FGF13: variants seen among roughly 807,000 people sequenced by gnomAD.
FGF13 encodes fibroblast growth factor homologous factor 2.
A neutral mutation model predicts 19.5 loss-of-function variants in FGF13; 2 were observed. The observed-to-expected ratio is 0.10, with a 90% CI of 0.04 to 0.32. The LOEUF (loss-of-function observed/expected upper bound fraction) is 0.32. FGF13 is among the 10% of genes least tolerant of loss of function. The pLI is 1.00. For synonymous variants in FGF13, 72 were observed against 76.9 expected, an observed-to-expected ratio of 0.94 and a Z score of 0.33; for missense variants, 113 against 192.7, an observed-to-expected ratio of 0.59 and a Z score of 2.45.
intron 1 of FGF13, among the ~76,000 whole-genome samples, chrX:138,945,698 AG>A (rs201932896): frequency 0.019 from 2,151 of 111,538 alleles, 68 homozygotes; most frequent in African/African-American, 0.066. Context: ...TCAGTGGATT[AG>A]AGACATAGGA....
chrX:138,799,591 C>G (rs2090811478), intron 3 of FGF13, among the ~76,000 whole-genome samples: 1 of 111,304 alleles, frequency 9.0e-6, no homozygotes, highest in Admixed American at 9.6e-5. Flanking sequence ...TGGTCCAGAG[C>G]TGAGTTCAAG....
intron 1 of FGF13, among the ~76,000 whole-genome samples, chrX:138,900,313 C>T (rs941675631): frequency 9.0e-6 from 1 of 110,581 alleles, no homozygotes; most frequent in African/African-American, 3.3e-5. Context: ...CCATTCTCAT[C>T]CCTCCATCCC....
intron 1 of FGF13, among the ~76,000 whole-genome samples, chrX:139,191,910 C>G (rs925315142): frequency 9.0e-6 from 1 of 111,507 alleles, no homozygotes; most frequent in African/African-American, 3.3e-5. Flanking sequence ...CTCTGCTATT[C>G]TAACAGCTGT....
rs199755534 is a variant in FGF13, at chrX:138,954,095, C to CGAGAGAGAGAGA, written c.-112-89457_-112-89446dup. On this transcript the variant is annotated intron_variant, in intron 1 of 2. Transcript: ENST00000421460. ...TGCATTTCATAGTATGTAAATTTAA[C>CGAGAGAGAGAGA]GAGAGAGAGAGAGAGAGAGAGAGAG... Among the ~76,000 whole-genome samples the CGAGAGAGAGAGA allele has an allele frequency of 5.0e-3, 475 of 94,170 alleles. 3 individuals carry two copies. The highest frequency in any genetic ancestry group is 5.7e-3 in the Non-Finnish European group (270 of 47,435). 81.8% of individuals were successfully genotyped at this position (94,170 alleles called of 115,157 possible). A position where few individuals can be genotyped will look rare whatever the true frequency, so the allele number is the denominator to read the frequency against.
rs957915292 is a variant in FGF13 at position 138,619,004 on chromosome X, C to T, written c.*13846G>A. 1.8e-5 allele frequency: 2 copies of T among 109,925 alleles called. No homozygotes were observed. The highest frequency in any genetic ancestry group is 2.9e-4 in the East Asian group (1 of 3,493). 9.1% of individuals were successfully genotyped at this position (109,925 alleles called of 1,213,427 possible). On this transcript the variant is annotated 3_prime_UTR_variant, in exon 5 of 5. Transcript: ENST00000315930. ...TTCTTCAAATGTGAACATGGCAACA[C>T]GAGATTTCAAGGAACACCTGCCAAA...
At chrX:138,898,202 G>T (rs1477005406) in intron 1 of FGF13, among the ~76,000 whole-genome samples, 1 of 111,632 alleles carries the variant, frequency 9.0e-6, no homozygotes, top group African/African-American at 3.3e-5. Context: ...GAGAAAGGGA[G>T]GGGGTATGAA....
intron 1 of FGF13, among the ~76,000 whole-genome samples, chrX:138,950,673 A>G (rs2091806478): frequency 1.8e-5 from 2 of 112,224 alleles, no homozygotes; most frequent in African/African-American, 6.5e-5. Context: ...TCAGTTTTCA[A>G]TGATAAAATT....
chrX:138,639,995 T>C (rs1195793925), intron 3 of FGF13, among the ~76,000 whole-genome samples: 1 of 101,271 alleles, frequency 9.9e-6, no homozygotes, highest in East Asian at 3.1e-4. Flanking sequence ...TCCATCTCAA[T>C]AAAAAAAAAA....
intron 3 of FGF13, among the ~76,000 whole-genome samples, chrX:138,777,055 C>A (rs1282232058): frequency 2.7e-5 from 3 of 111,859 alleles, no homozygotes; most frequent in Non-Finnish European, 5.6e-5. Flanking sequence ...CCCTATCCAA[C>A]AGAACAAGGT....
intron 1 of FGF13, among the ~76,000 whole-genome samples, chrX:139,062,646 A>G (rs2092340081): frequency 9.0e-6 from 1 of 111,708 alleles, no homozygotes; most frequent in Non-Finnish European, 1.9e-5. Flanking sequence ...GGTAGCATGG[A>G]CCTTTTAATA....
chrX:138,722,452 G>A (rs915170569), intron 1 of FGF13, among the ~76,000 whole-genome samples: 7 of 111,279 alleles, frequency 6.3e-5, no homozygotes, highest in African/African-American at 2.3e-4. Context: ...TGAAACCACA[G>A]AGAAAATTGG....
intron 1 of FGF13, among the ~76,000 whole-genome samples, chrX:139,150,202 C>T (rs1169143307): frequency 9.9e-5 from 11 of 111,296 alleles, no homozygotes; most frequent in African/African-American, 3.6e-4. Flanking sequence ...CTCAGAAACT[C>T]CAGCCCAAGA....
intron 3 of FGF13, among the ~76,000 whole-genome samples, chrX:138,752,961 CATGAA>C (rs1282417573): frequency 1.8e-5 from 2 of 112,216 alleles, no homozygotes; most frequent in African/African-American, 3.2e-5. Context: ...ATAGTTGAAA[CATGAA>C]ATGAATCTTA....
intron 1 of FGF13, among the ~76,000 whole-genome samples, chrX:138,866,973 A>G (rs1392159455): frequency 8.9e-6 from 1 of 111,748 alleles, no homozygotes; most frequent in Non-Finnish European, 1.9e-5. Flanking sequence ...AACATCACCT[A>G]CAACATGACC....
chrX:138,667,651 C>T (rs1159764178), intron 3 of FGF13: 3 of 342,372 alleles, frequency 8.8e-6, no homozygotes, highest in Non-Finnish European at 1.8e-5. Context: ...GGTAAGATTC[C>T]AGGTGAAATG....
At chrX:138,649,871 T>C (rs746849676) in intron 3 of FGF13, among the ~76,000 whole-genome samples, 67 of 112,430 alleles carry the variant, frequency 6.0e-4, no homozygotes, top group Admixed American at 1.0e-3. Flanking sequence ...GTTTGTTGTT[T>C]AGCAGAATGT....
At chrX:138,790,043 CAAAAAAAAAAA>C (rs764151731) in intron 3 of FGF13, among the ~76,000 whole-genome samples, 3 of 29,165 alleles carry the variant, frequency 1.0e-4, no homozygotes, top group African/African-American at 1.1e-4. Context: ...AGACTCCATT[CAAAAAAAAAAA>C]AAAAAAAAAA....
intron 1 of FGF13, among the ~76,000 whole-genome samples, chrX:139,095,982 A>G (rs1721126078): frequency 8.9e-6 from 1 of 111,757 alleles, no homozygotes; most frequent in Non-Finnish European, 1.9e-5. Flanking sequence ...GGATTTTCAG[A>G]CTTCAGCCAG....
intron 3 of FGF13, among the ~76,000 whole-genome samples, chrX:138,790,491 C>G (rs1418236876): frequency 9.0e-6 from 1 of 111,033 alleles, no homozygotes; most frequent in Non-Finnish European, 1.9e-5. Context: ...CAGTCTTTTT[C>G]CTTTTCAATA....
Sources: gnomAD v4.1 joint callset for allele counts (sites outside exome capture counted in the v4.1 genomes callset) on GRCh38, gnomAD v4.1.1 for gene constraint, MANE v1.5 for transcripts, NCBI Gene and HGNC (gene_info 2026-07-23, HGNC 2026-07-21) for gene names.